The following SLC60A1 variants were observed in gnomAD, a reference collection of about 807,000 sequenced individuals.
SLC60A1 encodes major facilitator superfamily domain containing 4.
the SLC60A1 span, among the ~76,000 whole-genome samples, chr1:205,572,692 C>G: frequency 1.3e-5 from 2 of 152,160 alleles, no homozygotes; most frequent in African/African-American, 4.8e-5. Context: ...AAGCCTCTGC[C>G]TCTCCCTCCA....
the SLC60A1 span, among the ~76,000 whole-genome samples, chr1:205,591,811 T>C: frequency 2.0e-5 from 3 of 152,062 alleles, no homozygotes; most frequent in Admixed American, 2.0e-4. Context: ...TTGGGTGGAG[T>C]TCCCGCGGTT....
At chr1:205,590,524 C>A in the SLC60A1 span, among the ~76,000 whole-genome samples, 4 of 152,204 alleles carry the variant, frequency 2.6e-5, no homozygotes, top group Non-Finnish European at 5.9e-5. Flanking sequence ...TCGAGACCAC[C>A]TTCCACCTAA....
At chr1:205,570,688 G>A in the SLC60A1 span, among the ~76,000 whole-genome samples, 90 of 152,198 alleles carry the variant, frequency 5.9e-4, no homozygotes, top group Admixed American at 2.0e-4. Context: ...TGTGGTACAG[G>A]ATTGGAATAT....
the SLC60A1 span, chr1:205,579,979 G>T: frequency 6.2e-7 from 1 of 1,600,250 alleles, no homozygotes; most frequent in Non-Finnish European, 8.5e-7. Context: ...ACAGGGCTGG[G>T]AGCTGGGGAG....
chr1:205,583,950 C>A, the SLC60A1 span: 7 of 1,612,226 alleles, frequency 4.3e-6, no homozygotes, highest in East Asian at 1.3e-4. Flanking sequence ...CTGCCTGCTC[C>A]CCAGCTTCCA....
chr1:205,599,329 T>C, the SLC60A1 span: 2 of 1,565,128 alleles, frequency 1.3e-6, no homozygotes, highest in Middle Eastern at 1.8e-4. Flanking sequence ...GGAGATGCTA[T>C]GGATCTTAAC....
At chr1:205,580,625 C>T in the SLC60A1 span, 3 of 1,591,712 alleles carry the variant, frequency 1.9e-6, no homozygotes, top group South Asian at 1.1e-5. The surrounding 1 kb of genome is among the most constrained non-coding windows in gnomAD (Gnocchi z 5.0). Flanking sequence ...GAAGACTGAC[C>T]CCCACCCCCA....
chr1:205,587,678 C>T, the SLC60A1 span, among the ~76,000 whole-genome samples: 2 of 151,982 alleles, frequency 1.3e-5, no homozygotes, highest in African/African-American at 4.8e-5. Context: ...AGAGAGTAAC[C>T]GAGTGAGGAA....
the SLC60A1 span, chr1:205,579,688 G>A: frequency 6.3e-7 from 1 of 1,582,330 alleles, no homozygotes; most frequent in Non-Finnish European, 8.7e-7. Context: ...CCCAGTGAAT[G>A]GAGGAGAAGG....
At chr1:205,570,331 G>A in the SLC60A1 span, among the ~76,000 whole-genome samples, 1 of 152,368 alleles carries the variant, frequency 6.6e-6, no homozygotes, top group Non-Finnish European at 1.5e-5. Flanking sequence ...GCTCCTGGCT[G>A]AGTGGTTTCC....
the SLC60A1 span, among the ~76,000 whole-genome samples, chr1:205,591,507 A>G: frequency 8.1e-5 from 12 of 148,238 alleles, no homozygotes; most frequent in East Asian, 7.8e-4. Context: ...AAAAAAGGAA[A>G]GAAAAGAAAG....
At chr1:205,593,357 G>A in the SLC60A1 span, among the ~76,000 whole-genome samples, 1 of 140,692 alleles carries the variant, frequency 7.1e-6, no homozygotes, top group Admixed American at 7.4e-5. Context: ...TGTAGTCCCA[G>A]CTACTCGGGA....
the SLC60A1 span, among the ~76,000 whole-genome samples, chr1:205,594,021 G>A: frequency 6.6e-6 from 1 of 152,322 alleles, no homozygotes; most frequent in African/African-American, 2.4e-5. Context: ...TGACTCTGAA[G>A]AGATCCTGGC....
chr1:205,582,614 C>T, the SLC60A1 span, among the ~76,000 whole-genome samples: 3 of 152,216 alleles, frequency 2.0e-5, no homozygotes, highest in Non-Finnish European at 4.4e-5. Flanking sequence ...TTGGCCTTCA[C>T]TCAGGCACTC....
the SLC60A1 span, among the ~76,000 whole-genome samples, chr1:205,596,581 T>C: frequency 1.0e-5 from 1 of 95,540 alleles, no homozygotes; most frequent in Admixed American, 1.2e-4. Flanking sequence ...AAAAAAAAGA[T>C]GAATGATAGT....
chr1:205,589,784 T>G, the SLC60A1 span, among the ~76,000 whole-genome samples: 1 of 152,114 alleles, frequency 6.6e-6, no homozygotes, highest in South Asian at 2.1e-4. Flanking sequence ...CACTCCAGTG[T>G]GGAAGAACAG....
chr1:205,600,666 A>G, the SLC60A1 span: 1 of 567,440 alleles, frequency 1.8e-6, no homozygotes, highest in Non-Finnish European at 3.2e-6. Flanking sequence ...TTCTCAAGTT[A>G]TCTTCTTCCC....
At chr1:205,571,177 C>T in the SLC60A1 span, among the ~76,000 whole-genome samples, 9 of 152,352 alleles carry the variant, frequency 5.9e-5, no homozygotes, top group Non-Finnish European at 8.8e-5. Context: ...TTCACAACCA[C>T]CTTGCGAAGT....
the SLC60A1 span, chr1:205,597,875 G>C: frequency 6.2e-7 from 1 of 1,612,102 alleles, no homozygotes; most frequent in Non-Finnish European, 8.5e-7. Flanking sequence ...GTAAGGGAGA[G>C]GGGAGCATTT....
Sources: gnomAD v4.1 joint callset for allele counts (sites outside exome capture counted in the v4.1 genomes callset) on GRCh38, gnomAD v4.1.1 for gene constraint, Gnocchi (gnomAD v3.1) non-coding constraint, MANE v1.5 for transcripts, NCBI Gene and HGNC (gene_info 2026-07-23, HGNC 2026-07-21) for gene names.